The following NDNF variants were observed in gnomAD, a reference collection of about 807,000 sequenced individuals.
NDNF encodes protein NDNF.
Under a neutral mutation model 42.0 loss-of-function variants are expected in NDNF, and 16 were observed. That is an observed-to-expected ratio of 0.38 (90% CI 0.26 to 0.58). NDNF has a LOEUF of 0.58. NDNF is among the 20% of genes least tolerant of loss of function. The pLI is 0.67. For missense variants in NDNF, 616 were observed against 666.2 expected (o/e 0.92, Z 0.83); for synonymous variants, 248 against 251.7 (o/e 0.99, Z 0.14).
chr4:121,043,021 A>T (rs1406588700), intron 2 of NDNF, among the ~76,000 whole-genome samples: 1 of 152,202 alleles, frequency 6.6e-6, no homozygotes, highest in African/African-American at 2.4e-5. Flanking sequence ...ATGATTAGGG[A>T]TAAATGATAA....
At position 121,036,382 on chromosome 4, in the gene NDNF, T is replaced by C; in HGVS notation, c.1589A>G (p.Glu530Gly). ...GCCAGGCTGAAGACCTTTAATTGTT[T>C]CTGTGGTCACTGCTTTCTGCAGGTT... The part of the protein sequence containing the change: ...SQNLQKAVTT[E>G]TIKGLQPGKS... Residue 530 changes from glutamate (E) to glycine (G), a missense_variant, in exon 4 of 4, where the codon GAA becomes GGA. Coordinates refer to ENST00000379692, the MANE Select transcript of NDNF (RefSeq NM_024574.4). 1.2e-6 allele frequency: 2 copies of C among 1,614,204 alleles called. No individual in the cohort carries two copies. Among genetic ancestry groups the C allele is most frequent in the Non-Finnish European group, 1.7e-6 (2 of 1,180,022 alleles).
At chr4:121,039,639 G>C (rs956733288) in intron 3 of NDNF, among the ~76,000 whole-genome samples, 1 of 151,992 alleles carries the variant, frequency 6.6e-6, no homozygotes, top group Non-Finnish European at 1.5e-5. Context: ...ATACGTACGT[G>C]ATTAGGATGT....
intron 2 of NDNF, among the ~76,000 whole-genome samples, chr4:121,045,402 T>C (rs1727073124): frequency 6.6e-6 from 1 of 151,082 alleles, no homozygotes; most frequent in African/African-American, 2.4e-5. Context: ...AAAATAATCA[T>C]TCCAAAATGT....
At position 121,036,405 on chromosome 4, in the gene NDNF, G is replaced by A. The variant is rs766655169; in HGVS notation, c.1566C>T (p.Asn522=). 8.0e-5 allele frequency: 129 copies of A among 1,614,026 alleles called. No individual in the cohort carries two copies. Among genetic ancestry groups the A allele is most frequent in the Non-Finnish European group, 1.0e-4 (122 of 1,180,026 alleles). ...KVLCKYFHSQ[N]LQKAVTTETI... ...TTTCTGTGGTCACTGCTTTCTGCAG[G>A]TTTTGACTGTGGAAATATTTACAGA... Residue 522 remains asparagine (N), a synonymous_variant, in exon 4 of 4, where the codon AAC becomes AAT. Coordinates refer to ENST00000379692, the MANE Select transcript of NDNF (RefSeq NM_024574.4).
intron 1 of NDNF, among the ~76,000 whole-genome samples, chr4:121,061,636 A>AT (rs1210964708): frequency 2.0e-5 from 3 of 152,028 alleles, no homozygotes; most frequent in Non-Finnish European, 4.4e-5. Context: ...ACCTGAATTT[A>AT]TTTTTTGGTC....
chr4:121,061,021 G>A (rs1405353327), intron 1 of NDNF, among the ~76,000 whole-genome samples: 4 of 152,202 alleles, frequency 2.6e-5, no homozygotes, highest in South Asian at 2.1e-4. Context: ...CTCTTTCCAC[G>A]CCCTGGAAAT....
At chr4:121,039,247 A>G (rs1211468444) in intron 3 of NDNF, among the ~76,000 whole-genome samples, 2 of 141,462 alleles carry the variant, frequency 1.4e-5, no homozygotes, top group African/African-American at 2.6e-5. Context: ...AAGACTATGT[A>G]TATATATATA....
intron 3 of NDNF, 70 bp downstream of exon 3, chr4:121,039,860 G>C (rs1380547403): frequency 6.5e-7 from 1 of 1,533,652 alleles, no homozygotes; most frequent in East Asian, 2.3e-5. Flanking sequence ...ACACATAGAA[G>C]GTTGTATGTT....
chr4:121,040,010 G>A lies in NDNF; in HGVS notation c.233C>T (p.Thr78Ile). 1 of 1,614,008 alleles carries A rather than the reference G, an allele frequency of 6.2e-7. No homozygotes were observed. The highest frequency in any genetic ancestry group is 8.5e-7 in the Non-Finnish European group (1 of 1,179,960). ...CAAAGGCGCATCACAGGGCGTCACT[G>A]TGACTGATAATGGAGTATTGTCTTC... ...VEEDNTPLSV[T>I]VTPCDAPLEW... Residue 78 changes from threonine (T) to isoleucine (I), a missense_variant, in exon 3 of 4, where the codon ACA becomes ATA. Physicochemically the swap from Thr to Ile is moderately conservative, Grantham distance 89. Transcript: ENST00000379692.
chr4:121,039,019 T>C (rs1180596607), intron 3 of NDNF: 1 of 149,506 alleles, frequency 6.7e-6, no homozygotes, highest in Admixed American at 6.7e-5. Context: ...AGATTTGTTT[T>C]CTGTATCTTG....
intron 1 of NDNF, among the ~76,000 whole-genome samples, chr4:121,056,022 CAAG>C (rs1056682384): frequency 1.3e-5 from 2 of 152,102 alleles, no homozygotes; most frequent in Non-Finnish European, 2.9e-5. Flanking sequence ...GAAAATCTGA[CAAG>C]AAAATATTAC....
chr4:121,071,941 G>A (rs1284256784), intron 1 of NDNF, 52 bp downstream of exon 1: 1 of 152,064 alleles, frequency 6.6e-6, no homozygotes, highest in African/African-American at 2.4e-5. Context: ...GTCTCAGGGT[G>A]GCGGGCTAAG....
At chr4:121,051,366 T>C (rs1285004846) in intron 1 of NDNF, among the ~76,000 whole-genome samples, 1 of 152,170 alleles carries the variant, frequency 6.6e-6, no homozygotes, top group Non-Finnish European at 1.5e-5. Flanking sequence ...TAAGCCTTTC[T>C]TTAGCATTAA....
chr4:121,057,835 T>C (rs1299906787), intron 1 of NDNF, among the ~76,000 whole-genome samples: 1 of 152,140 alleles, frequency 6.6e-6, no homozygotes, highest in Non-Finnish European at 1.5e-5. Flanking sequence ...GACAGTGTGG[T>C]GTTTACTTAG....
At chr4:121,056,739 T>C (rs1452572403) in intron 1 of NDNF, among the ~76,000 whole-genome samples, 2 of 152,252 alleles carry the variant, frequency 1.3e-5, no homozygotes, top group African/African-American at 4.8e-5. Context: ...ACAAGGTACT[T>C]AACATGATTC....
intron 1 of NDNF, among the ~76,000 whole-genome samples, chr4:121,049,963 A>G (rs1171073489): frequency 6.6e-6 from 1 of 152,208 alleles, no homozygotes; most frequent in Non-Finnish European, 1.5e-5. Context: ...ACATGCAACT[A>G]CTGTTGGGGA....
intron 1 of NDNF, among the ~76,000 whole-genome samples, chr4:121,066,725 A>G (rs1727505295): frequency 6.6e-6 from 1 of 152,248 alleles, no homozygotes; most frequent in African/African-American, 2.4e-5. Context: ...GTTAAATTTC[A>G]GGCTCATATT....
intron 1 of NDNF, among the ~76,000 whole-genome samples, chr4:121,048,384 G>A (rs918844308): frequency 1.3e-4 from 20 of 152,184 alleles, no homozygotes; most frequent in Admixed American, 9.8e-4. Flanking sequence ...TGCCAACCAC[G>A]GTGCCACAGT....
chr4:121,036,602 C>A lies in NDNF; in HGVS notation c.1369G>T (p.Asp457Tyr). Reference sequence around the variant, plus strand: ...GCTGAGGAACAGGTACGGAGCTTGTCAAAGGCTTTGATTCTTGTGTCTTCA... The same window carrying A: ...GCTGAGGAACAGGTACGGAGCTTGTAAAAGGCTTTGATTCTTGTGTCTTCA... ...LPEDTRIKAFDKLRTCSSATV... is the reference protein window; with the variant it reads ...LPEDTRIKAFYKLRTCSSATV... The change falls in exon 4 of 4, where the codon GAC becomes TAC. Residue 457 changes from aspartate to tyrosine, a missense_variant. Physicochemically the swap from Asp to Tyr is radical, Grantham distance 160. Coordinates refer to ENST00000379692, the MANE Select transcript of NDNF (RefSeq NM_024574.4). The A allele has an allele frequency of 6.2e-7, 1 of 1,614,138 alleles. No homozygotes were observed. The highest frequency in any genetic ancestry group is 1.1e-5 in the South Asian group (1 of 91,082).
Sources: gnomAD v4.1 joint callset for allele counts (sites outside exome capture counted in the v4.1 genomes callset) on GRCh38, gnomAD v4.1.1 for gene constraint, MANE v1.5 for transcripts, NCBI Gene and HGNC (gene_info 2026-07-23, HGNC 2026-07-21) for gene names.